Variants in NXPH1 observed in about 807,000 individuals in gnomAD.
The protein encoded by NXPH1 is neurexophilin 1.
Under a neutral mutation model 23.7 loss-of-function variants are expected in NXPH1, and 5 were observed. That is an observed-to-expected ratio of 0.21 (90% CI 0.11 to 0.44). The LOEUF is 0.44. Among genes scored for constraint, NXPH1 ranks in the 20% least tolerant of loss-of-function variants. The pLI is 0.99. For synonymous variants in NXPH1, 144 were observed against 122.2 expected (o/e 1.18, Z -1.18); for missense variants, 324 against 321.6 (o/e 1.01, Z -0.06).
intron 2 of NXPH1, among the ~76,000 whole-genome samples, chr7:8,676,555 A>C (rs1820956468): frequency 6.6e-6 from 1 of 152,162 alleles, no homozygotes; most frequent in Non-Finnish European, 1.5e-5. Flanking sequence ...AAATGTGTGG[A>C]TATATAGAGA....
chr7:8,611,085 A>T (rs1819609305), intron 2 of NXPH1, among the ~76,000 whole-genome samples: 1 of 152,150 alleles, frequency 6.6e-6, no homozygotes, highest in South Asian at 2.1e-4. Context: ...ATGAGTTATC[A>T]TTCTCATTTT....
chr7:8,704,673 G>T (rs746602466), intron 2 of NXPH1, among the ~76,000 whole-genome samples: 1 of 152,022 alleles, frequency 6.6e-6, no homozygotes, highest in Middle Eastern at 3.4e-3. Flanking sequence ...TATCTGCATG[G>T]ATTTTTTGGT....
intron 2 of NXPH1, among the ~76,000 whole-genome samples, chr7:8,588,060 G>A (rs565847522): frequency 3.9e-5 from 6 of 152,242 alleles, no homozygotes; most frequent in East Asian, 1.9e-4. Context: ...ACCATCTCAC[G>A]CTAGTTAGAA....
intron 2 of NXPH1, among the ~76,000 whole-genome samples, chr7:8,658,942 C>G (rs550336834): frequency 6.6e-6 from 1 of 151,486 alleles, no homozygotes; most frequent in East Asian, 1.9e-4. Flanking sequence ...TATTTAAATG[C>G]TGTGATTTAC....
At chr7:8,668,713 G>T (rs1562448942) in intron 2 of NXPH1, among the ~76,000 whole-genome samples, 1 of 152,156 alleles carries the variant, frequency 6.6e-6, no homozygotes. Context: ...AACAGGCCTG[G>T]AGCCTGAGTT....
intron 2 of NXPH1, among the ~76,000 whole-genome samples, chr7:8,683,260 G>T (rs1821086815): frequency 6.6e-6 from 1 of 152,126 alleles, no homozygotes; most frequent in Admixed American, 6.6e-5. Flanking sequence ...TGTGGGGAGG[G>T]CATCAAGCCA....
intron 2 of NXPH1, among the ~76,000 whole-genome samples, chr7:8,682,968 T>C (rs1232715490): frequency 6.6e-6 from 1 of 152,264 alleles, no homozygotes; most frequent in Non-Finnish European, 1.5e-5. Flanking sequence ...CTCATTCAGC[T>C]ACTAACTAGC....
In NXPH1 at chr7:8,435,960, T is replaced by C. The variant is rs1020487828; in HGVS notation, c.54+193T>C. ...CCGGGGTTCCCACCCCATTTTCTGC[T>C]CCAATCCCCCAGTCTCCTGCGCGTG... On this transcript the variant is annotated intron_variant, in intron 2 of 2. Coordinates refer to ENST00000405863, the MANE Select transcript of NXPH1 (RefSeq NM_152745.3). This position sits in a 1 kb window ranked among gnomAD's most constrained non-coding sequence, Gnocchi z 5.9. 6.6e-6 allele frequency among the ~76,000 whole-genome samples: 1 copy of C among 152,126 alleles called. No homozygotes were observed. The highest frequency in any genetic ancestry group is 1.5e-5 in the Non-Finnish European group (1 of 68,012).
chr7:8,439,400 C>T (rs1448876855), intron 2 of NXPH1, among the ~76,000 whole-genome samples: 2 of 152,086 alleles, frequency 1.3e-5, no homozygotes, highest in African/African-American at 4.8e-5. Context: ...TGGTAACTCT[C>T]AGTTAGAGAG....
At chr7:8,660,923 G>GA (rs1820659483) in intron 2 of NXPH1, among the ~76,000 whole-genome samples, 1 of 150,550 alleles carries the variant, frequency 6.6e-6, no homozygotes, top group South Asian at 2.1e-4. Flanking sequence ...ATCAATTATG[G>GA]AAAAATCAGA....
At chr7:8,673,043 G>A (rs560013839) in intron 2 of NXPH1, among the ~76,000 whole-genome samples, 1 of 152,230 alleles carries the variant, frequency 6.6e-6, no homozygotes, top group East Asian at 1.9e-4. Context: ...GTTACAAAAC[G>A]AGGTGATATA....
chr7:8,732,180 A>G (rs562058007), intron 2 of NXPH1, among the ~76,000 whole-genome samples: 13 of 152,326 alleles, frequency 8.5e-5, no homozygotes, highest in East Asian at 3.9e-4. Flanking sequence ...GAGTGAGGCA[A>G]TGCCTCGCCA....
intron 2 of NXPH1, among the ~76,000 whole-genome samples, chr7:8,476,846 C>A (rs142689197): frequency 6.6e-6 from 1 of 152,202 alleles, no homozygotes; most frequent in Admixed American, 6.5e-5. Context: ...TTTAACCAGG[C>A]ACAACCAGGT....
At chr7:8,518,239 T>C (rs148839670) in intron 2 of NXPH1, among the ~76,000 whole-genome samples, 1 of 152,280 alleles carries the variant, frequency 6.6e-6, no homozygotes, top group Non-Finnish European at 1.5e-5. Context: ...ATTTGTTTAC[T>C]TCTTTTGCAT....
chr7:8,452,715 T>C (rs1295827894), intron 2 of NXPH1, among the ~76,000 whole-genome samples: 2 of 152,166 alleles, frequency 1.3e-5, no homozygotes, highest in African/African-American at 2.4e-5. Context: ...CTAGTGGGCA[T>C]CCTAAAGACA....
intron 2 of NXPH1, among the ~76,000 whole-genome samples, chr7:8,630,922 C>A (rs1271957240): frequency 6.6e-6 from 1 of 152,154 alleles, no homozygotes; most frequent in African/African-American, 2.4e-5. Flanking sequence ...CCTCTCCCTC[C>A]TTTCACCCTC....
chr7:8,712,148 C>T (rs779242832), intron 2 of NXPH1, among the ~76,000 whole-genome samples: 47 of 152,194 alleles, frequency 3.1e-4, no homozygotes, highest in Non-Finnish European at 6.0e-4. Flanking sequence ...GAGCTAGATT[C>T]AAGCATCTTT....
chr7:8,511,978 C>T (rs1322421361), intron 2 of NXPH1, among the ~76,000 whole-genome samples: 1 of 152,142 alleles, frequency 6.6e-6, no homozygotes, highest in African/African-American at 2.4e-5. Context: ...CCTTGGCGCT[C>T]AGCCAGGGCA....
At chr7:8,674,821 C>CT (rs1326773077) in intron 2 of NXPH1, among the ~76,000 whole-genome samples, 2 of 152,156 alleles carry the variant, frequency 1.3e-5, no homozygotes, top group African/African-American at 4.8e-5. Context: ...GGGATGCCAA[C>CT]TAATGAGATT....
Sources: gnomAD v4.1 joint callset for allele counts (sites outside exome capture counted in the v4.1 genomes callset) on GRCh38, gnomAD v4.1.1 for gene constraint, Gnocchi (gnomAD v3.1) non-coding constraint, MANE v1.5 for transcripts, NCBI Gene and HGNC (gene_info 2026-07-23, HGNC 2026-07-21) for gene names.